The following AHCYL2 variants were observed in gnomAD, a reference collection of about 807,000 sequenced individuals.
The protein encoded by AHCYL2 is adenosylhomocysteinase like 2, also known as S-adenosylhomocysteine hydrolase-like protein 2.
In AHCYL2, 28 loss-of-function variants were observed where a neutral mutation model predicts 81.4. The ratio of observed to expected loss-of-function variants is 0.34; its 90% CI spans 0.25 to 0.47. AHCYL2 has a LOEUF of 0.47. Among genes scored for constraint, AHCYL2 ranks in the 20% least tolerant of loss-of-function variants. AHCYL2 has a pLI of 1.00. For synonymous variants in AHCYL2, 272 were observed against 290.2 expected (o/e 0.94, Z 0.64); for missense variants, 551 against 785.1 (o/e 0.70, Z 3.56).
intron 1 of AHCYL2, among the ~76,000 whole-genome samples, chr7:129,308,637 CA>C (rs765137499): frequency 5.9e-5 from 9 of 152,198 alleles, no homozygotes; most frequent in Non-Finnish European, 1.3e-4. Context: ...GACTTCTATT[CA>C]GCTATCTTAC....
At chr7:129,376,100 G>A (rs767024266) in intron 1 of AHCYL2, among the ~76,000 whole-genome samples, 5 of 152,114 alleles carry the variant, frequency 3.3e-5, no homozygotes, top group Non-Finnish European at 5.9e-5. Context: ...ATGCCTGTTG[G>A]AATTAGGCAG....
chr7:129,266,402 C>T (rs1283421040), intron 1 of AHCYL2, among the ~76,000 whole-genome samples: 1 of 152,172 alleles, frequency 6.6e-6, no homozygotes, highest in Non-Finnish European at 1.5e-5. Flanking sequence ...TGGCTCACGC[C>T]TGTAATCCCA....
intron 1 of AHCYL2, among the ~76,000 whole-genome samples, chr7:129,304,270 G>T (rs541634925): frequency 6.6e-6 from 1 of 152,212 alleles, no homozygotes; most frequent in African/African-American, 2.4e-5. Flanking sequence ...TCAGTTTTTT[G>T]AGTGTTTTAA....
chr7:129,332,961 G>C (rs1259857240), intron 1 of AHCYL2, among the ~76,000 whole-genome samples: 1 of 152,100 alleles, frequency 6.6e-6, no homozygotes, highest in Admixed American at 6.5e-5. Context: ...AGTTGACTTA[G>C]TCATTCTTCC....
chr7:129,264,492 AG>A (rs1247945381), intron 1 of AHCYL2, among the ~76,000 whole-genome samples: 1 of 152,232 alleles, frequency 6.6e-6, no homozygotes, highest in East Asian at 1.9e-4. Flanking sequence ...AAGGAAAGGA[AG>A]AAAGGAGATG....
intron 1 of AHCYL2, among the ~76,000 whole-genome samples, chr7:129,326,007 A>G (rs1233253851): frequency 6.6e-6 from 1 of 152,088 alleles, no homozygotes; most frequent in African/African-American, 2.4e-5. Flanking sequence ...GCCTGGCTTA[A>G]GTTTTTTAAA....
intron 1 of AHCYL2, among the ~76,000 whole-genome samples, chr7:129,316,182 G>A (rs1797820333): frequency 6.6e-6 from 1 of 152,182 alleles, no homozygotes. Context: ...GTGTCAGCAT[G>A]ATAGAAACAG....
intron 1 of AHCYL2, among the ~76,000 whole-genome samples, chr7:129,298,269 G>A (rs2150758459): frequency 6.6e-6 from 1 of 152,296 alleles, no homozygotes; most frequent in East Asian, 1.9e-4. Flanking sequence ...TGATTCCTTA[G>A]TGAAATCTGA....
intron 1 of AHCYL2, among the ~76,000 whole-genome samples, chr7:129,252,785 G>C (rs1254001833): frequency 1.3e-5 from 2 of 151,846 alleles, no homozygotes; most frequent in African/African-American, 4.8e-5. Flanking sequence ...TGATAGCTAG[G>C]TAGGTAGGTA....
In AHCYL2 at chr7:129,426,666, A is replaced by C; in HGVS notation, c.1829+103A>C. 1.4e-6 allele frequency: 2 copies of C among 1,476,440 alleles called. No individual in the cohort carries two copies. The highest frequency in any genetic ancestry group is 1.8e-6 in the Non-Finnish European group (2 of 1,105,488). 91.5% of individuals were successfully genotyped at this position (1,476,440 alleles called of 1,614,324 possible). ...CAACCACATATGCTTACATGAACTC[A>C]GAAAAATGAACCCACTTCCCCTCAC... On this transcript the variant is annotated intron_variant, in intron 16 of 16. Transcript: ENST00000325006. The surrounding 1 kb of genome is among the most constrained non-coding windows in gnomAD (Gnocchi z 4.3).
Position 129,426,353 on chromosome 7 carries a change from C to A in AHCYL2, c.1709-90C>A, listed in dbSNP as rs1797365740. On this transcript the variant is annotated intron_variant, in intron 15 of 16. Transcript: ENST00000325006. This position sits in a 1 kb window ranked among gnomAD's most constrained non-coding sequence, Gnocchi z 4.3. Reference sequence around the variant, plus strand: ...TTCAGCTCCAGGAATTAGAAGGTGTCTTTGAACTTTTTAAGGCCTAGCTTG... The same window carrying A: ...TTCAGCTCCAGGAATTAGAAGGTGTATTTGAACTTTTTAAGGCCTAGCTTG... The A allele has an allele frequency of 6.3e-7, 1 of 1,597,340 alleles. No individual in the cohort carries two copies. Among genetic ancestry groups the A allele is most frequent in the African/African-American group, 1.3e-5 (1 of 74,648 alleles).
chr7:129,349,082 T>A (rs545635174), intron 1 of AHCYL2, among the ~76,000 whole-genome samples: 1 of 152,320 alleles, frequency 6.6e-6, no homozygotes, highest in Admixed American at 6.5e-5. Flanking sequence ...TCTAAATATA[T>A]CATGTCTAGG....
intron 11 of AHCYL2, 118 bp from the exon 12 acceptor site, chr7:129,413,476 G>A (rs1045555760): frequency 1.3e-5 from 11 of 827,972 alleles, no homozygotes; most frequent in South Asian, 3.2e-5. Context: ...TCTTCTTATT[G>A]GGTTGTAAGA....
intron 1 of AHCYL2, among the ~76,000 whole-genome samples, chr7:129,336,756 A>G (rs1172719045): frequency 6.7e-6 from 1 of 150,076 alleles, no homozygotes; most frequent in Non-Finnish European, 1.5e-5. Flanking sequence ...ATAAAACGTA[A>G]TTTTTTTTTT....
chr7:129,244,101 T>C (rs1293821532), intron 1 of AHCYL2, among the ~76,000 whole-genome samples: 18 of 151,648 alleles, frequency 1.2e-4, no homozygotes, highest in Non-Finnish European at 1.5e-5. Flanking sequence ...TGGACTCAAG[T>C]GATTCTTCAG....
intron 1 of AHCYL2, among the ~76,000 whole-genome samples, chr7:129,332,490 A>G (rs1798455540): frequency 6.6e-6 from 1 of 152,218 alleles, no homozygotes; most frequent in Non-Finnish European, 1.5e-5. Flanking sequence ...TGTTTAAATA[A>G]TGACATTTTA....
At chr7:129,282,329 CTT>C (rs977317138) in intron 1 of AHCYL2, among the ~76,000 whole-genome samples, 1 of 152,054 alleles carries the variant, frequency 6.6e-6, no homozygotes, top group African/African-American at 2.4e-5. Context: ...TTTATCCTCT[CTT>C]TACTTCTGGG....
At chr7:129,350,853 G>A (rs926106988) in intron 1 of AHCYL2, among the ~76,000 whole-genome samples, 11 of 151,034 alleles carry the variant, frequency 7.3e-5, no homozygotes, top group African/African-American at 1.9e-4. Context: ...AGAGGCTCCC[G>A]CCATGATGCC....
intron 1 of AHCYL2, among the ~76,000 whole-genome samples, chr7:129,311,015 A>G (rs1383891883): frequency 2.0e-5 from 3 of 151,916 alleles, no homozygotes; most frequent in African/African-American, 4.8e-5. Flanking sequence ...GGCTGAGGCT[A>G]GAGAATTGTT....
Sources: gnomAD v4.1 joint callset for allele counts (sites outside exome capture counted in the v4.1 genomes callset) on GRCh38, gnomAD v4.1.1 for gene constraint, Gnocchi (gnomAD v3.1) non-coding constraint, MANE v1.5 for transcripts, NCBI Gene and HGNC (gene_info 2026-07-23, HGNC 2026-07-21) for gene names.